Variants in MMP16 observed in about 807,000 individuals in gnomAD.
MMP16 encodes matrix metallopeptidase 16, also known as matrix metalloproteinase-16.
Under a neutral mutation model 67.8 loss-of-function variants are expected in MMP16, and 12 were observed. The observed-to-expected ratio is 0.18, with a 90% confidence interval of 0.11 to 0.29. The LOEUF (loss-of-function observed/expected upper bound fraction) is 0.29. Ranked by LOEUF, MMP16 falls within the 10% of genes least tolerant of loss-of-function variation. MMP16 has a pLI of 1.00. For missense variants in MMP16, 475 were observed against 765.7 expected (o/e 0.62, Z 4.48); for synonymous variants, 249 against 255.9 (o/e 0.97, Z 0.26).
chr8:88,049,370 T>C (rs1193635467), intron 8 of MMP16, among the ~76,000 whole-genome samples: 1 of 152,222 alleles, frequency 6.6e-6, no homozygotes, highest in Non-Finnish European at 1.5e-5. Flanking sequence ...CAGAACATTC[T>C]GTGATGAATG....
chr8:88,311,398 G>A (rs901327417), intron 1 of MMP16, among the ~76,000 whole-genome samples: 2 of 152,074 alleles, frequency 1.3e-5, no homozygotes, highest in African/African-American at 4.8e-5. Flanking sequence ...TCATTCACTT[G>A]CATTTGACAG....
chr8:88,105,651 AC>A (rs2118393716), intron 6 of MMP16, among the ~76,000 whole-genome samples: 1 of 151,592 alleles, frequency 6.6e-6, no homozygotes, highest in Admixed American at 6.6e-5. Flanking sequence ...AAAAGTGAAT[AC>A]TTAAGAAAAC....
intron 1 of MMP16, among the ~76,000 whole-genome samples, chr8:88,322,347 A>G (rs913110909): frequency 2.6e-5 from 4 of 152,104 alleles, no homozygotes; most frequent in Admixed American, 6.5e-5. Flanking sequence ...TCTAAGAAAA[A>G]CCTACGGGAA....
chr8:88,078,201 G>A (rs912108911), intron 6 of MMP16, among the ~76,000 whole-genome samples: 1 of 151,980 alleles, frequency 6.6e-6, no homozygotes, highest in African/African-American at 2.4e-5. Context: ...TAGCCTATCT[G>A]CAAAGTCAAG....
intron 6 of MMP16, among the ~76,000 whole-genome samples, chr8:88,100,392 G>T (rs62525933): frequency 0.18 from 27,622 of 151,800 alleles, 2,928 homozygotes; most frequent in Middle Eastern, 0.26. Context: ...ATCATCACTG[G>T]TCATCAGAGA....
At chr8:88,321,710 T>A (rs1269486816) in intron 1 of MMP16, among the ~76,000 whole-genome samples, 1 of 152,194 alleles carries the variant, frequency 6.6e-6, no homozygotes, top group East Asian at 1.9e-4. Flanking sequence ...GCATTTCCCA[T>A]CCCCTTTGGC....
At chr8:88,053,141 G>A (rs1808290665) in intron 8 of MMP16, among the ~76,000 whole-genome samples, 1 of 152,156 alleles carries the variant, frequency 6.6e-6, no homozygotes, top group African/African-American at 2.4e-5. Context: ...AGGCACTAGA[G>A]CTACTGAGAA....
At chr8:88,155,304 C>G (rs1808490272) in intron 4 of MMP16, among the ~76,000 whole-genome samples, 1 of 151,952 alleles carries the variant, frequency 6.6e-6, no homozygotes, top group Admixed American at 6.6e-5. Flanking sequence ...ATTATGTCTT[C>G]TATTTTCTTC....
At chr8:88,231,928 A>T (rs962412307) in intron 1 of MMP16, among the ~76,000 whole-genome samples, 4 of 152,140 alleles carry the variant, frequency 2.6e-5, no homozygotes, top group Admixed American at 1.3e-4. Flanking sequence ...TCCTATCTAA[A>T]ATCCATCAAA....
intron 4 of MMP16, among the ~76,000 whole-genome samples, chr8:88,127,696 A>G (rs967299926): frequency 7.9e-5 from 12 of 151,904 alleles, no homozygotes; most frequent in Middle Eastern, 3.2e-3. Flanking sequence ...TCATATAGAA[A>G]TATTTCACAT....
At chr8:88,210,387 T>C (rs557722935) in intron 1 of MMP16, among the ~76,000 whole-genome samples, 7 of 152,200 alleles carry the variant, frequency 4.6e-5, no homozygotes, top group Non-Finnish European at 7.3e-5. Context: ...CCTGGCACAT[T>C]TTCTGAGCCT....
At chr8:88,065,338 C>T (rs570109026) in intron 7 of MMP16, among the ~76,000 whole-genome samples, 1 of 152,078 alleles carries the variant, frequency 6.6e-6, no homozygotes, top group African/African-American at 2.4e-5. Context: ...AATATTGCAG[C>T]TTTAAATATA....
chr8:88,245,371 T>G (rs976687522), intron 1 of MMP16, among the ~76,000 whole-genome samples: 3 of 152,134 alleles, frequency 2.0e-5, no homozygotes, highest in African/African-American at 7.2e-5. Context: ...ACATTCTGAG[T>G]ATGGAAGTCA....
chr8:88,284,263 A>C (rs1282770345), intron 1 of MMP16, among the ~76,000 whole-genome samples: 3 of 152,222 alleles, frequency 2.0e-5, no homozygotes, highest in Non-Finnish European at 4.4e-5. Context: ...CTGTTTATGT[A>C]ACAGTCATAC....
At chr8:88,188,250 G>A (rs1809104374) in intron 2 of MMP16, among the ~76,000 whole-genome samples, 1 of 152,132 alleles carries the variant, frequency 6.6e-6, no homozygotes, top group Non-Finnish European at 1.5e-5. Context: ...GATGATTTAA[G>A]TTGCTTTTAT....
At chr8:88,319,635 C>T (rs932571809) in intron 1 of MMP16, among the ~76,000 whole-genome samples, 13 of 152,244 alleles carry the variant, frequency 8.5e-5, no homozygotes, top group African/African-American at 2.9e-4. Context: ...TGACATCATT[C>T]GGGGTCTGAC....
intron 7 of MMP16, among the ~76,000 whole-genome samples, chr8:88,071,265 A>G (rs1808548796): frequency 6.6e-6 from 1 of 152,134 alleles, no homozygotes; most frequent in South Asian, 2.1e-4. Context: ...ATACTTTATA[A>G]CTAAACATTC....
chr8:88,200,580 T>C (rs1431560772), intron 1 of MMP16, among the ~76,000 whole-genome samples: 2 of 152,060 alleles, frequency 1.3e-5, no homozygotes, highest in Non-Finnish European at 2.9e-5. Context: ...CAGAGTAAGA[T>C]GATATATCCA....
At chr8:88,120,070 G>A (rs1054362276) in intron 4 of MMP16, among the ~76,000 whole-genome samples, 1 of 151,898 alleles carries the variant, frequency 6.6e-6, no homozygotes. Flanking sequence ...TATGACATTA[G>A]CATAGCAAAA....
Sources: gnomAD v4.1 joint callset for allele counts (sites outside exome capture counted in the v4.1 genomes callset) on GRCh38, gnomAD v4.1.1 for gene constraint, MANE v1.5 for transcripts, NCBI Gene and HGNC (gene_info 2026-07-23, HGNC 2026-07-21) for gene names.